The following UTP14A variants were observed in gnomAD, a reference collection of about 807,000 sequenced individuals.
UTP14A encodes U3 small nucleolar RNA-associated protein 14 homolog A.
UTP14A carries 5 observed loss-of-function variants against 57.2 expected under a neutral mutation model. The observed-to-expected ratio is 0.09, with a 90% CI of 0.05 to 0.18. The LOEUF (loss-of-function observed/expected upper bound fraction) is 0.18, where lower values mean the gene tolerates loss of function less well. Ranked by LOEUF, UTP14A falls within the 10% of genes least tolerant of loss-of-function variation. The pLI is 1.00. For synonymous variants in UTP14A, 169 were observed against 210.9 expected (o/e 0.80, Z 1.72); for missense variants, 430 against 562.1 (o/e 0.76, Z 2.38).
intron 14 of UTP14A, among the ~76,000 whole-genome samples, 154 bp downstream of exon 14, chrX:129,926,493 C>A (rs1454050702): frequency 3.6e-5 from 4 of 111,885 alleles, no homozygotes; most frequent in African/African-American, 6.5e-5. Flanking sequence ...TTAGATTTAT[C>A]ATTTCAGATA....
intron 1 of UTP14A, among the ~76,000 whole-genome samples, chrX:129,906,460 T>C (rs1569334584): frequency 8.9e-6 from 1 of 112,297 alleles, no homozygotes; most frequent in African/African-American, 3.2e-5. Context: ...TTGGTCCTGA[T>C]GCTGTTTCTG....
Position 129,920,564 on chromosome X carries a change from A to C in UTP14A, c.860A>C (p.Glu287Ala). The change falls in exon 9 of 15, where the codon GAA becomes GCA. Residue 287 changes from glutamate to alanine, a missense_variant. Transcript: ENST00000394422. ...GCACTAGAAGAACTGGAAAAAATTG[A>C]AAAGGCCAGAATGATGGTGAGACTA... Reference protein sequence around the residue: ...AAALEELEKIEKARMMERMSL... With the variant: ...AAALEELEKIAKARMMERMSL... 1 of 1,212,096 alleles carries C rather than the reference A, an allele frequency of 8.3e-7. No homozygotes were observed. Among genetic ancestry groups the C allele is most frequent in the Non-Finnish European group, 1.1e-6 (1 of 895,588 alleles).
chrX:129,906,317 C>A, intron 1 of UTP14A, 81 bp downstream of exon 1: 1 of 980,593 alleles, frequency 1.0e-6, no homozygotes, highest in Non-Finnish European at 1.4e-6. Flanking sequence ...GGGAGCCCCC[C>A]CTTTAACAGA....
At chrX:129,908,967 A>G (rs188921711) in intron 4 of UTP14A, among the ~76,000 whole-genome samples, 1 of 112,019 alleles carries the variant, frequency 8.9e-6, no homozygotes, top group East Asian at 2.8e-4. Context: ...TGAGATACTT[A>G]TAGGATAGAT....
At chrX:129,913,396 G>C in intron 6 of UTP14A, 1 of 341,246 alleles carries the variant, frequency 2.9e-6, no homozygotes, top group Non-Finnish European at 5.9e-6. Flanking sequence ...AAAATCAGAG[G>C]TAATACAATT....
intron 14 of UTP14A, 55 bp downstream of exon 14, chrX:129,926,394 C>CT (rs1930108780): frequency 9.6e-7 from 1 of 1,039,176 alleles, no homozygotes; most frequent in African/African-American, 1.9e-5. Context: ...GGCTCTCTTG[C>CT]TTGAGAGGAG....
At chrX:129,910,563 G>A (rs763054933) in intron 4 of UTP14A, among the ~76,000 whole-genome samples, 28 of 111,543 alleles carry the variant, frequency 2.5e-4, no homozygotes, top group African/African-American at 7.2e-4. Context: ...GGTGGCACGC[G>A]CCTATAGTGC....
intron 6 of UTP14A, among the ~76,000 whole-genome samples, chrX:129,913,843 T>C (rs1929573753): frequency 9.0e-6 from 1 of 111,065 alleles, no homozygotes; most frequent in Non-Finnish European, 1.9e-5. Flanking sequence ...TAGCGGGGCA[T>C]GGTGGTGTGT....
intron 14 of UTP14A, among the ~76,000 whole-genome samples, chrX:129,928,505 C>T (rs759330335): frequency 9.1e-6 from 1 of 110,383 alleles, no homozygotes; most frequent in African/African-American, 3.3e-5. Context: ...CCTGTAATCC[C>T]AGCACTTTGG....
chrX:129,908,119 T>C lies in UTP14A; in HGVS notation c.162T>C (p.Asp54=), dbSNP rs1271954271. Reference sequence around the variant, plus strand: ...TTCTGGAAGCAATCAGTTCCCTTGATGGAAAGAATAGGTAACGTTCCCGTC... The same window carrying C: ...TTCTGGAAGCAATCAGTTCCCTTGACGGAAAGAATAGGTAACGTTCCCGTC... The part of the protein sequence containing the change: ...QKLLEAISSL[D]GKNRRKLAER... Residue 54 remains aspartate (D), a synonymous_variant, in exon 3 of 15, where the codon GAT becomes GAC. Transcript: ENST00000394422. The C allele has an allele frequency of 1.7e-6, 2 of 1,203,816 alleles. No homozygotes were observed. The highest frequency in any genetic ancestry group is 3.0e-5 in the East Asian group (1 of 33,670).
chrX:129,923,144 A>G (rs1226543622), intron 11 of UTP14A: 1 of 112,791 alleles, frequency 8.9e-6, no homozygotes, highest in Non-Finnish European at 1.9e-5. Flanking sequence ...CTTGAGAAAT[A>G]AACGTACATG....
rs1395306136 is a variant in UTP14A, at chrX:129,929,560, A to T, written c.2268A>T (p.Arg756=). The T allele has an allele frequency of 8.3e-7, 1 of 1,209,776 alleles. No individual in the cohort carries two copies. The highest frequency in any genetic ancestry group is 1.8e-5 in the African/African-American group (1 of 57,069). The change falls in exon 15 of 15, where the codon CGA becomes CGT. Residue 756 remains arginine, a synonymous_variant. Transcript: ENST00000394422. The part of the protein sequence containing the change: ...DLSVIQRNPK[R]ITTRHKKQLK... Reference sequence around the variant, plus strand: ...CTGTCATACAGAGGAATCCAAAACGAATCACCACACGTCACAAAAAACAGC... The same window carrying T: ...CTGTCATACAGAGGAATCCAAAACGTATCACCACACGTCACAAAAAACAGC...
chrX:129,909,012 T>C (rs778248093), intron 4 of UTP14A, among the ~76,000 whole-genome samples: 2 of 111,668 alleles, frequency 1.8e-5, no homozygotes, highest in African/African-American at 3.3e-5. Flanking sequence ...CTTAGTAACT[T>C]AGTCATAATT....
chrX:129,919,047 G>A (rs1396355376), intron 6 of UTP14A, 128 bp from the exon 7 acceptor site: 7 of 1,023,341 alleles, frequency 6.8e-6, no homozygotes, highest in Non-Finnish European at 9.3e-6. Flanking sequence ...TTCTCTTGCT[G>A]TAACAGCCAA....
chrX:129,908,005 A>G, intron 2 of UTP14A, 55 bp from the exon 3 acceptor site: 1 of 989,676 alleles, frequency 1.0e-6, no homozygotes. Context: ...CTCAATTTCC[A>G]TGTTGTCTTT....
At chrX:129,910,952 A>T (rs1929443867) in intron 4 of UTP14A, 56 bp from the exon 5 acceptor site, 1 of 1,187,584 alleles carries the variant, frequency 8.4e-7, no homozygotes, top group Non-Finnish European at 1.1e-6. Flanking sequence ...TCCCTACATT[A>T]TATTGAGATC....
chrX:129,908,144 CAGTT>C lies in UTP14A; in HGVS notation c.173+17_173+20del, dbSNP rs1211046506. The C allele has an allele frequency of 6.8e-6, 8 of 1,179,422 alleles. No individual in the cohort carries two copies. The highest frequency in any genetic ancestry group is 1.8e-5 in the African/African-American group (1 of 56,515). On this transcript the variant is annotated intron_variant, in intron 3 of 14. Coordinates refer to ENST00000394422, the MANE Select transcript of UTP14A (RefSeq NM_006649.4). Reference sequence around the variant, plus strand: ...TGGAAAGAATAGGTAACGTTCCCGTCAGTTAGGGCAGGTTATATAGTCAATTCCG... The same window carrying C: ...TGGAAAGAATAGGTAACGTTCCCGTCAGGGCAGGTTATATAGTCAATTCCG...
chrX:129,920,293 T>C (rs1363049435), intron 8 of UTP14A, among the ~76,000 whole-genome samples, 164 bp from the exon 9 acceptor site: 1 of 112,024 alleles, frequency 8.9e-6, no homozygotes, highest in Non-Finnish European at 1.9e-5. Flanking sequence ...ACCAAGAATC[T>C]TGCCAGTCCT....
chrX:129,927,066 T>TA (rs1930132065), intron 14 of UTP14A, among the ~76,000 whole-genome samples: 2 of 111,580 alleles, frequency 1.8e-5, no homozygotes, highest in Non-Finnish European at 3.8e-5. Flanking sequence ...AATAGGCAGT[T>TA]ACACGATAAG....
Sources: gnomAD v4.1 joint callset for allele counts (sites outside exome capture counted in the v4.1 genomes callset) on GRCh38, gnomAD v4.1.1 for gene constraint, MANE v1.5 for transcripts, NCBI Gene and HGNC (gene_info 2026-07-23, HGNC 2026-07-21) for gene names.